Variants in PIGQ observed in about 807,000 individuals in gnomAD.
The protein encoded by PIGQ is phosphatidylinositol glycan anchor biosynthesis class Q.
PIGQ carries 54 observed loss-of-function variants against 60.3 expected under a neutral mutation model. That is an observed-to-expected ratio of 0.90 (90% confidence interval 0.72 to 1.12). The LOEUF is 1.12. Among genes scored for constraint, PIGQ ranks in the 50% most tolerant of loss-of-function variants. The probability of loss-of-function intolerance (pLI) is 0.00; values close to 1 mark genes in which losing one functional copy is unlikely to be tolerated. For missense variants in PIGQ, 799 were observed against 793.5 expected (o/e 1.01, Z -0.08); for synonymous variants, 416 against 363.7 (o/e 1.14, Z -1.64).
In PIGQ at chr16:579,085, A is replaced by T. The variant is rs1263671474; in HGVS notation, c.1240A>T (p.Ile414Phe). ...GTCCTGTAGGCTGTACTGCCTGAAG[A>T]TCCATGGCCTGTCCTCACTGTGGCG... ...VYGARLYCLK[I>F]HGLSSLWRLF... The change falls in exon 7 of 11, where the codon ATC (isoleucine) becomes TTC (phenylalanine). Residue 414 changes from isoleucine to phenylalanine, a missense_variant. Physicochemically the swap from Ile to Phe is conservative, Grantham distance 21. Transcript: ENST00000321878. 4 of 1,612,476 alleles carry T rather than the reference A, an allele frequency of 2.5e-6. No individual in the cohort carries two copies. The highest frequency in any genetic ancestry group is 3.4e-6 in the Non-Finnish European group (4 of 1,179,714).
chr16:581,010 T>C, intron 9 of PIGQ, 38 bp downstream of exon 9: 1 of 1,428,958 alleles, frequency 7.0e-7, no homozygotes, highest in Non-Finnish European at 9.9e-7. Flanking sequence ...CCTGGGTAGG[T>C]GGAGGGGAAC....
intron 1 of PIGQ, among the ~76,000 whole-genome samples, chr16:573,501 G>T (rs1484440128): frequency 5.3e-5 from 8 of 152,156 alleles, no homozygotes; most frequent in Non-Finnish European, 1.2e-4. Context: ...GGACCTTCTG[G>T]GGGGCTGCCC....
chr16:579,483 T>G (rs2035778815), intron 7 of PIGQ: 2 of 120,976 alleles, frequency 1.7e-5, no homozygotes, highest in Non-Finnish European at 1.5e-5. Flanking sequence ...AGACTAGAGG[T>G]GCCCCGGGCC....
Position 575,946 on chromosome 16 carries a change from C to A in PIGQ, c.797C>A (p.Ala266Glu), listed in dbSNP as rs528254518. Residue 266 changes from alanine to glutamate, a missense_variant, in exon 3 of 11, where the codon GCG becomes GAG. By Grantham distance (107) the Ala-to-Glu change is moderately radical. Transcript: ENST00000321878. ...HLTLIFSTRK[A>E]ENPAQLMRKA... ...ACGCTAATCTTCAGTACACGGAAGGCGGAGAACCCTGCCCAGCTGATGAGG... is the reference window on the plus strand; with the variant it reads ...ACGCTAATCTTCAGTACACGGAAGGAGGAGAACCCTGCCCAGCTGATGAGG... The A allele has an allele frequency of 2.5e-6, 4 of 1,585,428 alleles. 1 individual carries two copies. In the South Asian group the frequency reaches 4.6e-5, roughly 18 times the overall value.
Position 580,847 on chromosome 16 carries a change from C to T in PIGQ, c.1417-11C>T, listed in dbSNP as rs2035797983. On this transcript the variant is annotated splice_polypyrimidine_tract_variant and intron_variant, in intron 8 of 10. Coordinates refer to ENST00000321878, the MANE Select transcript of PIGQ (RefSeq NM_004204.5). ...CTGGCCGGGCCGGTCCTAAATGCTC[C>T]TCTGCCACAGCTCCGGCTCCTGGTG... The T allele has an allele frequency of 4.7e-6, 6 of 1,289,118 alleles. No homozygotes were observed. Among genetic ancestry groups the T allele is most frequent in the Non-Finnish European group, 6.7e-6 (6 of 892,630 alleles). 79.9% of individuals were successfully genotyped at this position (1,289,118 alleles called of 1,614,324 possible).
Position 576,147 on chromosome 16 carries a change from G to T in PIGQ, c.835G>T (p.Val279Leu). 6.5e-7 allele frequency: 1 copy of T among 1,548,728 alleles called. No homozygotes were observed. Among genetic ancestry groups the T allele is most frequent in the Non-Finnish European group, 8.7e-7 (1 of 1,146,810 alleles). Residue 279 changes from valine (V) to leucine (L), a missense_variant, in exon 4 of 11, where the codon GTG (valine) becomes TTG (leucine). Val to Leu is a conservative substitution (Grantham distance 32). Coordinates refer to ENST00000321878, the MANE Select transcript of PIGQ (RefSeq NM_004204.5). ...PAQLMRKANT[V>L]ASVLLDVALG... Reference sequence around the variant, plus strand: ...CCTCCCTTCCAGGAAGGCCAACACGGTGGCCTCTGTGCTGCTGGACGTGGC... The same window carrying T: ...CCTCCCTTCCAGGAAGGCCAACACGTTGGCCTCTGTGCTGCTGGACGTGGC...
At chr16:577,928 G>A (rs1346904726) in intron 4 of PIGQ, 2 of 160,588 alleles carry the variant, frequency 1.2e-5, no homozygotes, top group Non-Finnish European at 2.7e-5. Flanking sequence ...GGTCATCCCG[G>A]GCAGCCCCCA....
chr16:570,568 C>G (rs1448720418), intron 1 of PIGQ: 2 of 152,228 alleles, frequency 1.3e-5, no homozygotes, highest in East Asian at 3.9e-4. Flanking sequence ...CGGGTTCCAG[C>G]GATTCTCCTG....
intron 1 of PIGQ, among the ~76,000 whole-genome samples, chr16:573,861 G>A (rs2035671439): frequency 6.6e-6 from 1 of 152,182 alleles, no homozygotes; most frequent in Non-Finnish European, 1.5e-5. Context: ...CTTGGGGCCA[G>A]CACTCTGGCT....
At chr16:581,465 A>T in intron 9 of PIGQ, 5 of 591,902 alleles carry the variant, frequency 8.4e-6, no homozygotes, top group South Asian at 4.8e-5. Flanking sequence ...AGTCTGCAGG[A>T]GGCTTTTTTT....
chr16:576,159 C>A lies in PIGQ; in HGVS notation c.847C>A (p.Leu283Met), dbSNP rs1475166338. The change falls in exon 4 of 11, where the codon CTG (leucine) becomes ATG (methionine). Residue 283 changes from leucine to methionine, a missense_variant. Coordinates refer to ENST00000321878, the MANE Select transcript of PIGQ (RefSeq NM_004204.5). Reference sequence around the variant, plus strand: ...GAAGGCCAACACGGTGGCCTCTGTGCTGCTGGACGTGGCCCTGGGCCTCAT... The same window carrying A: ...GAAGGCCAACACGGTGGCCTCTGTGATGCTGGACGTGGCCCTGGGCCTCAT... ...MRKANTVASV[L>M]LDVALGLMLL... 1 of 1,549,264 alleles carries A rather than the reference C, an allele frequency of 6.5e-7. No individual in the cohort carries two copies. The highest frequency in any genetic ancestry group is 1.4e-5 in the African/African-American group (1 of 73,198).
rs781377299 is a variant in PIGQ, at chr16:574,251, C to T, written c.177C>T (p.Gly59=). 6.1e-5 allele frequency: 98 copies of T among 1,608,966 alleles called. No homozygotes were observed. Among genetic ancestry groups the T allele is most frequent in the Middle Eastern group, 1.6e-4 (1 of 6,078 alleles). The stretch of plus-strand genomic sequence containing the variant: ...AGGTGCGGCAGGCCAGCCAGGTGGG[C>T]GTGGCCGTGCTGGGCACCTGGTGCC... ...LAQVRQASQV[G]VAVLGTWCHC... is the part of the protein sequence containing the mutation. Residue 59 remains glycine, a synonymous_variant, in exon 2 of 11, where the codon GGC becomes GGT. Coordinates refer to ENST00000321878, the MANE Select transcript of PIGQ (RefSeq NM_004204.5).
At chr16:572,716 G>C in intron 1 of PIGQ, 1 of 456,070 alleles carries the variant, frequency 2.2e-6, no homozygotes, top group Non-Finnish European at 4.4e-6. Flanking sequence ...GTCCCGCTCT[G>C]TTCCCTCGTC....
At chr16:572,467 C>T in intron 1 of PIGQ, 4 of 454,610 alleles carry the variant, frequency 8.8e-6, no homozygotes, top group Non-Finnish European at 4.4e-6. Flanking sequence ...CCAGGCATTT[C>T]CGTGTGAGGC....
In PIGQ at chr16:583,711, A is replaced by C. The variant is rs1293712454; in HGVS notation, c.*676A>C. The C allele has an allele frequency of 6.6e-7, 1 of 1,513,406 alleles. No individual in the cohort carries two copies. Among genetic ancestry groups the C allele is most frequent in the African/African-American group, 1.4e-5 (1 of 73,064 alleles). 93.7% of individuals were successfully genotyped at this position (1,513,406 alleles called of 1,614,324 possible). On this transcript the variant is annotated 3_prime_UTR_variant, in exon 11 of 11. Transcript: ENST00000321878. ...CAGCCTCAGTGTCAAGGGCCCGCCC[A>C]CTGACCCAGCCGTACCTATTCGTCC...
chr16:583,394 G>A lies in PIGQ; in HGVS notation c.*359G>A, dbSNP rs1361487154. The A allele has an allele frequency of 1.2e-6, 2 of 1,612,718 alleles. No homozygotes were observed. Among genetic ancestry groups the A allele is most frequent in the Non-Finnish European group, 1.7e-6 (2 of 1,179,878 alleles). The stretch of plus-strand genomic sequence containing the variant: ...GGGTCCGTCCACCACAGCAGCCCCA[G>A]GTGGAGGGCTGGTCTCCCTGGGGGC... On this transcript the variant is annotated 3_prime_UTR_variant, in exon 11 of 11. Coordinates refer to ENST00000321878, the MANE Select transcript of PIGQ (RefSeq NM_004204.5).
intron 1 of PIGQ, chr16:572,707 T>C (rs1374257694): frequency 1.1e-5 from 5 of 454,594 alleles, no homozygotes; most frequent in East Asian, 1.4e-4. Flanking sequence ...CCTCCAGGCG[T>C]CCCGCTCTGT....
intron 9 of PIGQ, chr16:581,846 C>G (rs2035814854): frequency 3.5e-6 from 1 of 289,764 alleles, no homozygotes; most frequent in Non-Finnish European, 6.7e-6. Context: ...TCACTGCAAC[C>G]TTCGCCTCCC....
intron 4 of PIGQ, 96 bp from the exon 5 acceptor site, chr16:578,283 C>A: frequency 2.2e-6 from 3 of 1,334,594 alleles, no homozygotes; most frequent in Admixed American, 4.3e-5. Context: ...GGAGGGAAGG[C>A]TGGCCAAGGT....
Sources: gnomAD v4.1 joint callset for allele counts (sites outside exome capture counted in the v4.1 genomes callset) on GRCh38, gnomAD v4.1.1 for gene constraint, MANE v1.5 for transcripts, NCBI Gene and HGNC (gene_info 2026-07-23, HGNC 2026-07-21) for gene names.